The following UGDH variants were observed in gnomAD, a reference collection of about 807,000 sequenced individuals.
UGDH encodes UDP-glucose 6-dehydrogenase.
A neutral mutation model predicts 50.6 loss-of-function variants in UGDH; 38 were observed. The observed-to-expected ratio is 0.75, with a 90% CI of 0.58 to 0.98. The LOEUF (loss-of-function observed/expected upper bound fraction) is 0.98. Among genes scored for constraint, UGDH ranks in the 50% least tolerant of loss-of-function variants. The pLI is 0.00. For synonymous variants in UGDH, 168 were observed against 199.9 expected, an observed-to-expected ratio of 0.84 and a Z score of 1.35; for missense variants, 465 against 606.2, an observed-to-expected ratio of 0.77 and a Z score of 2.45.
At chr4:39,502,334 A>T (rs142605936) in intron 11 of UGDH, among the ~76,000 whole-genome samples, 22 of 152,302 alleles carry the variant, frequency 1.4e-4, no homozygotes, top group African/African-American at 5.3e-4. Flanking sequence ...TCCACAAGTA[A>T]ATCTCTCATG....
chr4:39,519,254 C>T (rs1417830341), intron 2 of UGDH, among the ~76,000 whole-genome samples: 1 of 150,870 alleles, frequency 6.6e-6, no homozygotes, highest in Non-Finnish European at 1.5e-5. Context: ...GGGAGTCTCA[C>T]TATGTTGCCC....
rs1341873398 is a variant in UGDH at position 39,505,328 on chromosome 4, T to C, written c.1080A>G (p.Glu360=). The C allele has an allele frequency of 1.3e-6, 2 of 1,586,858 alleles. No homozygotes were observed. Among genetic ancestry groups the C allele is most frequent in the Admixed American group, 3.5e-5 (2 of 56,730 alleles). ...GATCATATATATGTAGATGTGCACCTTCATCCATCAAATATTTGCTAATAT... is the reference window on the plus strand; with the variant it reads ...GATCATATATATGTAGATGTGCACCCTCATCCATCAAATATTTGCTAATAT... ...SIYISKYLMD[E]GAHLHIYDPK... The change falls in exon 9 of 12, where the codon GAA becomes GAG. Residue 360 remains glutamate, a synonymous_variant. Coordinates refer to ENST00000316423, the MANE Select transcript of UGDH (RefSeq NM_003359.4).
chr4:39,503,125 C>T (rs1005905550), intron 11 of UGDH, among the ~76,000 whole-genome samples: 1 of 152,128 alleles, frequency 6.6e-6, no homozygotes, highest in Non-Finnish European at 1.5e-5. Flanking sequence ...CAGTATTGTC[C>T]AGGCTGGTCT....
chr4:39,516,078 G>A (rs566999217), intron 2 of UGDH, among the ~76,000 whole-genome samples: 1 of 152,196 alleles, frequency 6.6e-6, no homozygotes, highest in Admixed American at 6.6e-5. Context: ...AACTATTGTG[G>A]GCTACCAGCC....
chr4:39,527,312 C>A lies in UGDH; in HGVS notation c.-37G>T. The A allele has an allele frequency of 6.0e-6, 2 of 332,758 alleles. No homozygotes were observed. The highest frequency in any genetic ancestry group is 1.2e-5 in the Non-Finnish European group (2 of 169,176). 20.6% of individuals were successfully genotyped at this position (332,758 alleles called of 1,614,324 possible). On this transcript the variant is annotated 5_prime_UTR_variant, in exon 1 of 12. Coordinates refer to ENST00000316423, the MANE Select transcript of UGDH (RefSeq NM_003359.4). ...TTCCCAGCAGCAAGCGCAGGGACCGCTCCTATCCCGATCGTTCGGACAGCA... is the reference window on the plus strand; with the variant it reads ...TTCCCAGCAGCAAGCGCAGGGACCGATCCTATCCCGATCGTTCGGACAGCA...
rs760633427 is a variant in UGDH, at chr4:39,508,677, A to G, written c.812-17T>C. On this transcript the variant is annotated splice_polypyrimidine_tract_variant and intron_variant, in intron 6 of 11. Transcript: ENST00000316423. The stretch of plus-strand genomic sequence containing the variant: ...CACCAAACCCTGCAGAAAGAAAAAA[A>G]TGAACAATATTTTCATGTAAGAACG... The G allele has an allele frequency of 6.3e-7, 1 of 1,581,210 alleles. No homozygotes were observed. Among genetic ancestry groups the G allele is most frequent in the South Asian group, 1.2e-5 (1 of 85,562 alleles).
At chr4:39,520,293 C>T (rs561410331) in intron 2 of UGDH, among the ~76,000 whole-genome samples, 9 of 152,046 alleles carry the variant, frequency 5.9e-5, no homozygotes, top group African/African-American at 1.5e-4. Context: ...GAGCTAAGTT[C>T]GGGCCATTGC....
Position 39,503,890 on chromosome 4 carries a change from T to G in UGDH, c.1359A>C (p.Gln453His), listed in dbSNP as rs766784095. Residue 453 changes from glutamine to histidine, a missense_variant, in exon 11 of 12, where the codon CAA becomes CAC. By Grantham distance (24) the Gln-to-His change is conservative. Transcript: ENST00000316423. ...TCATGATTACCTGGAAGCCAATGGT[T>G]TGTAGTTCATTGTGGAGCCCATCCA... ...RVLDGLHNEL[Q>H]TIGFQIETIG... The G allele has an allele frequency of 6.2e-7, 1 of 1,614,024 alleles. No homozygotes were observed. The highest frequency in any genetic ancestry group is 8.5e-7 in the Non-Finnish European group (1 of 1,179,972).
At position 39,504,368 on chromosome 4, in the gene UGDH, T is replaced by C. The variant is rs556234659; in HGVS notation, c.1263+49A>G. The C allele has an allele frequency of 2.5e-5, 38 of 1,544,080 alleles. No homozygotes were observed. In the Middle Eastern group the frequency reaches 5.1e-4, roughly 21 times the overall value. ...TGAACACATACTCAACCCCAGCTGA[T>C]AGTGGAACACCTCTAGAATTTTCCT... is the stretch of plus-strand genomic sequence containing the variant. On this transcript the variant is annotated intron_variant, in intron 10 of 11. Coordinates refer to ENST00000316423, the MANE Select transcript of UGDH (RefSeq NM_003359.4).
At chr4:39,504,972 G>A (rs1181970068) in intron 9 of UGDH, among the ~76,000 whole-genome samples, 1 of 152,166 alleles carries the variant, frequency 6.6e-6, no homozygotes, top group African/African-American at 2.4e-5. Flanking sequence ...GATGGTGGGA[G>A]GCCCCAAACC....
At position 39,514,192 on chromosome 4, in the gene UGDH, G is replaced by A; in HGVS notation, c.163-8C>T. 1 of 1,408,864 alleles carries A rather than the reference G, an allele frequency of 7.1e-7. No homozygotes were observed. The allele number at this position is 1,408,864 out of a possible 1,614,324, so 87.3% of individuals were successfully genotyped here. A position where few individuals can be genotyped will look rare whatever the true frequency, so the allele number is the denominator to read the frequency against. ...CACTTCTTTTAGTCCTGGCTAAAAA[G>A]AAAAAAGAAAAGGAATTGTACATAT... On this transcript the variant is annotated splice_region_variant and splice_polypyrimidine_tract_variant and intron_variant, in intron 2 of 11. Coordinates refer to ENST00000316423, the MANE Select transcript of UGDH (RefSeq NM_003359.4).
chr4:39,500,273 T>A lies in UGDH; in HGVS notation c.1375-20A>T. 6.9e-7 allele frequency: 1 copy of A among 1,442,516 alleles called. No individual in the cohort carries two copies. The highest frequency in any genetic ancestry group is 9.6e-7 in the Non-Finnish European group (1 of 1,041,226). 89.4% of individuals were successfully genotyped at this position (1,442,516 alleles called of 1,614,324 possible). On this transcript the variant is annotated intron_variant, in intron 11 of 11. Coordinates refer to ENST00000316423, the MANE Select transcript of UGDH (RefSeq NM_003359.4). ...TTCAATCTGAAAAAAAAATAAAATTTAAGAGAACTATTAACAATTATATAA... is the reference window on the plus strand; with the variant it reads ...TTCAATCTGAAAAAAAAATAAAATTAAAGAGAACTATTAACAATTATATAA...
In UGDH at chr4:39,510,525, G is replaced by T. The variant is rs1427070347; in HGVS notation, c.491C>A (p.Ala164Glu). ...TAGGTCCTTGATGGCTGTTCCCTCT[G>T]CCAGAAACTCAGGGTTGGACAGCAC... is the stretch of plus-strand genomic sequence containing the variant. Reference protein sequence around the residue: ...LQVLSNPEFLAEGTAIKDLKN... With the variant: ...LQVLSNPEFLEEGTAIKDLKN... The change falls in exon 5 of 12, where the codon GCA becomes GAA. Residue 164 changes from alanine to glutamate, a missense_variant. By Grantham distance (107) the Ala-to-Glu change is moderately radical (BLOSUM62 -1). Transcript: ENST00000316423. 1.2e-6 allele frequency: 2 copies of T among 1,614,110 alleles called. No homozygotes were observed. Among genetic ancestry groups the T allele is most frequent in the Non-Finnish European group, 1.7e-6 (2 of 1,180,026 alleles).
At chr4:39,521,671 G>A (rs1315413826) in intron 1 of UGDH, 152 bp from the exon 2 acceptor site, 1 of 600,290 alleles carries the variant, frequency 1.7e-6, no homozygotes, top group African/African-American at 1.9e-5. Context: ...TGGAAATAGT[G>A]ATTTAAAAAA....
At chr4:39,525,572 T>C (rs1433708912) in intron 1 of UGDH, among the ~76,000 whole-genome samples, 1 of 149,890 alleles carries the variant, frequency 6.7e-6, no homozygotes, top group Non-Finnish European at 1.5e-5. Flanking sequence ...AGTGGCGCAA[T>C]CTCGGCTCAC....
chr4:39,503,483 C>A (rs531964692), intron 11 of UGDH, among the ~76,000 whole-genome samples: 1 of 152,316 alleles, frequency 6.6e-6, no homozygotes, highest in East Asian at 1.9e-4. Flanking sequence ...TTGACCAAGA[C>A]CTCTTTCTTT....
At chr4:39,525,473 C>A (rs1746838704) in intron 1 of UGDH, among the ~76,000 whole-genome samples, 1 of 151,724 alleles carries the variant, frequency 6.6e-6, no homozygotes, top group Admixed American at 6.6e-5. Context: ...GGATTACAGG[C>A]GTGAGCCACT....
chr4:39,507,439 G>A (rs1445344792), intron 7 of UGDH, among the ~76,000 whole-genome samples: 1 of 152,170 alleles, frequency 6.6e-6, no homozygotes, highest in East Asian at 1.9e-4. Context: ...AGGCTGGAGT[G>A]CAGTGACACA....
In UGDH at chr4:39,508,611, G is replaced by T; in HGVS notation, c.861C>A (p.Leu287=). ...FQKDVLNLVY[L]CEALNLPEVA... ...CTTCTGGCAAATTCAGAGCCTCACAGAGATAAACCAAATTCAGAACATCCT... is the reference window on the plus strand; with the variant it reads ...CTTCTGGCAAATTCAGAGCCTCACATAGATAAACCAAATTCAGAACATCCT... Residue 287 remains leucine, a synonymous_variant, in exon 7 of 12, where the codon CTC becomes CTA. Transcript: ENST00000316423. The T allele has an allele frequency of 6.2e-7, 1 of 1,609,216 alleles. No individual in the cohort carries two copies. The highest frequency in any genetic ancestry group is 8.5e-7 in the Non-Finnish European group (1 of 1,178,628).
Sources: gnomAD v4.1 joint callset for allele counts (sites outside exome capture counted in the v4.1 genomes callset) on GRCh38, gnomAD v4.1.1 for gene constraint, MANE v1.5 for transcripts, NCBI Gene and HGNC (gene_info 2026-07-23, HGNC 2026-07-21) for gene names.